EYA1: variants seen among roughly 807,000 people sequenced by gnomAD.
EYA1 encodes protein phosphatase EYA1.
EYA1 carries 16 observed loss-of-function variants against 82.0 expected under a neutral mutation model. That is an observed-to-expected ratio of 0.20 (90% CI 0.13 to 0.30). The LOEUF is 0.30. Among genes scored for constraint, EYA1 ranks in the 10% least tolerant of loss-of-function variants. The pLI is 1.00. For missense variants in EYA1, 633 were observed against 730.7 expected (o/e 0.87, Z 1.54); for synonymous variants, 261 against 264.4 (o/e 0.99, Z 0.12).
chr8:71,376,298 CAAGA>C (rs796597552), intron 2 of EYA1, among the ~76,000 whole-genome samples: 46 of 152,202 alleles, frequency 3.0e-4, no homozygotes, highest in African/African-American at 1.0e-3. Context: ...TAAAAGTGAA[CAAGA>C]AAGAAAGAAC....
chr8:71,314,354 C>T, intron 7 of EYA1, among the ~76,000 whole-genome samples: 1 of 152,056 alleles, frequency 6.6e-6, no homozygotes. Context: ...CCAAATCTGG[C>T]CATATACATT....
intron 2 of EYA1, among the ~76,000 whole-genome samples, chr8:71,382,371 G>A (rs571325727): frequency 2.6e-5 from 4 of 151,960 alleles, no homozygotes; most frequent in African/African-American, 7.2e-5. Context: ...CTCAAAATTC[G>A]CTACTTTAAC....
At chr8:71,385,448 C>A (rs1489506182) in intron 2 of EYA1, among the ~76,000 whole-genome samples, 3 of 152,056 alleles carry the variant, frequency 2.0e-5, no homozygotes, top group Non-Finnish European at 2.9e-5. Flanking sequence ...AGAAAACAAG[C>A]AGAAAAATAC....
At chr8:71,283,150 T>G (rs1818007125) in intron 9 of EYA1, among the ~76,000 whole-genome samples, 2 of 152,086 alleles carry the variant, frequency 1.3e-5, no homozygotes, top group Non-Finnish European at 2.9e-5. Flanking sequence ...TCCCAGAGGC[T>G]CCAATGCCTT....
intron 2 of EYA1, among the ~76,000 whole-genome samples, chr8:71,427,975 T>C (rs1805354373): frequency 1.1e-5 from 1 of 88,520 alleles, no homozygotes; most frequent in Admixed American, 1.0e-4. Flanking sequence ...AGAGACCTTG[T>C]CTCAAAAAAA....
At chr8:71,388,540 C>A (rs1434502460) in intron 2 of EYA1, among the ~76,000 whole-genome samples, 2 of 152,136 alleles carry the variant, frequency 1.3e-5, no homozygotes, top group Admixed American at 6.6e-5. Context: ...ATCCGAGGAC[C>A]TTTCTGGAAC....
At chr8:71,249,407 T>C (rs1813483053) in intron 11 of EYA1, among the ~76,000 whole-genome samples, 1 of 131,932 alleles carries the variant, frequency 7.6e-6, no homozygotes, top group Non-Finnish European at 1.5e-5. Flanking sequence ...AGCAAACATA[T>C]TCTTCTTCAC....
At chr8:71,520,304 C>T (rs1255948692) in intron 2 of EYA1, among the ~76,000 whole-genome samples, 3 of 151,998 alleles carry the variant, frequency 2.0e-5, no homozygotes, top group East Asian at 1.9e-4. Context: ...CTGAGCACTG[C>T]GCTGTGCAAG....
chr8:71,261,231 C>T (rs191242393), intron 11 of EYA1, among the ~76,000 whole-genome samples: 1 of 152,218 alleles, frequency 6.6e-6, no homozygotes, highest in East Asian at 1.9e-4. Context: ...GTACAACTTA[C>T]GAGACCCAAA....
At chr8:71,276,491 A>G (rs996397769) in intron 9 of EYA1, among the ~76,000 whole-genome samples, 3 of 152,184 alleles carry the variant, frequency 2.0e-5, no homozygotes, top group Non-Finnish European at 4.4e-5. Flanking sequence ...AATCCTCCCT[A>G]TCAACAAGTT....
In EYA1 at chr8:71,361,931, GC is replaced by G; in HGVS notation, c.-340del. 3.0e-6 allele frequency: 3 copies of G among 985,470 alleles called. No individual in the cohort carries two copies. The highest frequency in any genetic ancestry group is 3.5e-5 in the African/African-American group (2 of 57,358). 61.0% of individuals were successfully genotyped at this position (985,470 alleles called of 1,614,324 possible). A position where few individuals can be genotyped will look rare whatever the true frequency, so the allele number is the denominator to read the frequency against. On this transcript the variant is annotated 5_prime_UTR_variant, in exon 1 of 18. It removes the in-frame stop codon of an upstream open reading frame in the 5' UTR. Coordinates refer to ENST00000340726, the MANE Select transcript of EYA1 (RefSeq NM_000503.6). ...CGCCACAGTGGACGGCAACAGGAAG[GC>G]TTAAAGTCGGAAGTGGCACTGGAGA...
At chr8:71,307,269 T>C (rs539258480) in intron 7 of EYA1, among the ~76,000 whole-genome samples, 2 of 152,326 alleles carry the variant, frequency 1.3e-5, no homozygotes, top group African/African-American at 4.8e-5. Context: ...CTGGAGAACT[T>C]TGATATTTAA....
chr8:71,546,569 C>T (rs1815610571), intron 1 of EYA1, among the ~76,000 whole-genome samples: 1 of 149,676 alleles, frequency 6.7e-6, no homozygotes, highest in African/African-American at 2.5e-5. Context: ...GGCGCAATCT[C>T]GGCTCACTGC....
In EYA1 at chr8:71,277,115, ATTTTTTTTTTTT is replaced by A. The variant is rs9298167; in HGVS notation, c.827-5230_827-5219del. Reference sequence around the variant, plus strand: ...GCCATGCTATTTCATGGCTTCACACATTTTTTTTTTTTTTTTTTTTTTTTTTTTTTTTTAGTT... The same window carrying A: ...GCCATGCTATTTCATGGCTTCACACATTTTTTTTTTTTTTTTTTTTTAGTT... On this transcript the variant is annotated intron_variant, in intron 9 of 17. Coordinates refer to ENST00000340726, the MANE Select transcript of EYA1 (RefSeq NM_000503.6). Among the ~76,000 whole-genome samples, 24 of 76,946 alleles carry A rather than the reference ATTTTTTTTTTTT, an allele frequency of 3.1e-4. No individual in the cohort carries two copies. In the South Asian group the frequency reaches 0.014, roughly 46 times the overall value. The allele number at this position is 76,946 out of a possible 152,430, so 50.5% of individuals were successfully genotyped here.
At chr8:71,285,420 GA>G (rs1276393350) in intron 9 of EYA1, among the ~76,000 whole-genome samples, 1 of 152,178 alleles carries the variant, frequency 6.6e-6, no homozygotes, top group African/African-American at 2.4e-5. Context: ...GTAGGCATGG[GA>G]AATAAAATAA....
intron 2 of EYA1, among the ~76,000 whole-genome samples, chr8:71,487,727 G>T (rs928812719): frequency 2.6e-5 from 4 of 152,160 alleles, no homozygotes; most frequent in African/African-American, 7.2e-5. Context: ...TAAGAAAAAG[G>T]TCTCAACTTA....
chr8:71,326,158 G>A (rs1278869944), intron 4 of EYA1, among the ~76,000 whole-genome samples: 1 of 152,086 alleles, frequency 6.6e-6, no homozygotes, highest in Non-Finnish European at 1.5e-5. Context: ...TTGTAGGAAG[G>A]GAGAGGAGAA....
At chr8:71,363,599 T>A (rs1019536860), upstream of EYA1, among the ~76,000 whole-genome samples, 7 of 152,306 alleles carry the variant, frequency 4.6e-5, no homozygotes, top group South Asian at 1.2e-3. Context: ...TACCACCTAC[T>A]GCACTTTCTC....
intron 16 of EYA1, among the ~76,000 whole-genome samples, chr8:71,212,410 T>C (rs532514795): frequency 6.6e-6 from 1 of 152,188 alleles, no homozygotes; most frequent in Non-Finnish European, 1.5e-5. Flanking sequence ...ACTGCAAAAA[T>C]ATACAACCAA....
Sources: gnomAD v4.1 joint callset for allele counts (sites outside exome capture counted in the v4.1 genomes callset) on GRCh38, gnomAD v4.1.1 for gene constraint, MANE v1.5 for transcripts, NCBI Gene and HGNC (gene_info 2026-07-23, HGNC 2026-07-21) for gene names.